The following AMD1 variants were observed in gnomAD, a reference collection of about 807,000 sequenced individuals.
The protein encoded by AMD1 is S-adenosylmethionine decarboxylase proenzyme.
AMD1 carries 11 observed loss-of-function variants against 40.2 expected under a neutral mutation model. That is an observed-to-expected ratio of 0.27 (90% CI 0.17 to 0.45). The LOEUF is 0.45. Among genes scored for constraint, AMD1 ranks in the 20% least tolerant of loss-of-function variants. The pLI is 1.00. For missense variants in AMD1, 257 were observed against 410.2 expected, an observed-to-expected ratio of 0.63 and a Z score of 3.23; for synonymous variants, 121 against 130.8, an observed-to-expected ratio of 0.93 and a Z score of 0.51.
In AMD1 at chr6:110,875,008, C is replaced by T. The variant is rs1360915913; in HGVS notation, c.-98C>T. On this transcript the variant is annotated 5_prime_UTR_variant, in exon 1 of 9. Coordinates refer to ENST00000368885, the MANE Select transcript of AMD1 (RefSeq NM_001634.6). ...AAAAGGAACCTGAACTTTAGTAACA[C>T]AGCTGGAACAATCCGCAGCGGCGGC... 2 of 900,858 alleles carry T rather than the reference C, an allele frequency of 2.2e-6. No homozygotes were observed. The highest frequency in any genetic ancestry group is 3.5e-6 in the Non-Finnish European group (2 of 568,886). The allele number at this position is 900,858 out of a possible 1,614,324, so 55.8% of individuals were successfully genotyped here. A position where few individuals can be genotyped will look rare whatever the true frequency, so the allele number is the denominator to read the frequency against.
At chr6:110,873,492 T>A (rs1424938958), upstream of AMD1, among the ~76,000 whole-genome samples, 5 of 152,208 alleles carry the variant, frequency 3.3e-5, no homozygotes, top group Non-Finnish European at 7.3e-5. Context: ...GTATCTAGAG[T>A]GCAAACCCAA....
At chr6:110,885,434 T>C (rs948778407) in intron 1 of AMD1, among the ~76,000 whole-genome samples, 1 of 152,022 alleles carries the variant, frequency 6.6e-6, no homozygotes, top group Non-Finnish European at 1.5e-5. Context: ...GTTTTTGTTT[T>C]GTTTGTTTGT....
the AMD1 span, among the ~76,000 whole-genome samples, chr6:110,861,948 T>C: frequency 3.3e-5 from 5 of 152,140 alleles, no homozygotes; most frequent in Non-Finnish European, 7.4e-5. Flanking sequence ...AATCTTCCAA[T>C]GTTGCTGTTG....
the AMD1 span, among the ~76,000 whole-genome samples, chr6:110,829,965 G>T: frequency 6.6e-6 from 1 of 152,048 alleles, no homozygotes; most frequent in Non-Finnish European, 1.5e-5. Flanking sequence ...CACTTTAAGT[G>T]TCCTATTTTT....
At position 110,875,098 on chromosome 6, in the gene AMD1, T is replaced by C; in HGVS notation, c.-8T>C. ...TGTGGTTGTTGGTTGTTCGCTAGTC[T>C]CACGGTGATGGAAGCTGCACATTTT... On this transcript the variant is annotated 5_prime_UTR_variant, in exon 1 of 9. Transcript: ENST00000368885. 6.2e-7 allele frequency: 1 copy of C among 1,610,750 alleles called. No homozygotes were observed. The highest frequency in any genetic ancestry group is 8.5e-7 in the Non-Finnish European group (1 of 1,178,040).
At chr6:110,893,333 G>C in intron 8 of AMD1, 143 bp from the exon 9 acceptor site, 1 of 1,161,620 alleles carries the variant, frequency 8.6e-7, no homozygotes, top group Non-Finnish European at 1.2e-6. Context: ...AAGATGCCCT[G>C]GCCCCTCCAG....
At chr6:110,842,961 C>T in the AMD1 span, among the ~76,000 whole-genome samples, 8 of 151,986 alleles carry the variant, frequency 5.3e-5, no homozygotes, top group African/African-American at 1.4e-4. Flanking sequence ...CATGAAACCC[C>T]GTCTCTACTA....
At chr6:110,860,870 C>CACAGAG in the AMD1 span, among the ~76,000 whole-genome samples, 48 of 142,674 alleles carry the variant, frequency 3.4e-4, no homozygotes, top group East Asian at 5.7e-3. Context: ...CACACACACA[C>CACAGAG]AGAGAGAGAG....
chr6:110,849,517 T>C, the AMD1 span, among the ~76,000 whole-genome samples: 2 of 152,220 alleles, frequency 1.3e-5, no homozygotes. Flanking sequence ...CTTTAGAGGA[T>C]CTAAAGTCAC....
At chr6:110,883,476 A>G (rs911164413) in intron 1 of AMD1, among the ~76,000 whole-genome samples, 1 of 152,260 alleles carries the variant, frequency 6.6e-6, no homozygotes, top group African/African-American at 2.4e-5. Flanking sequence ...TCAGAGTGGA[A>G]GAAATCTCTT....
At chr6:110,882,345 G>C (rs1785452824) in intron 1 of AMD1, among the ~76,000 whole-genome samples, 1 of 152,084 alleles carries the variant, frequency 6.6e-6, no homozygotes, top group African/African-American at 2.4e-5. Context: ...AAAGGACTAG[G>C]GAGTAAATTT....
chr6:110,873,060 G>A (rs1018942966), upstream of AMD1, among the ~76,000 whole-genome samples: 2 of 152,132 alleles, frequency 1.3e-5, no homozygotes, highest in Non-Finnish European at 2.9e-5. Flanking sequence ...CCAATCCGCA[G>A]TTTGAGTTGG....
intron 1 of AMD1, among the ~76,000 whole-genome samples, chr6:110,886,782 T>C (rs1414608912): frequency 6.6e-6 from 1 of 152,210 alleles, no homozygotes; most frequent in African/African-American, 2.4e-5. Flanking sequence ...CAAAAAATAA[T>C]ATCTGTCATG....
chr6:110,871,990 C>T (rs937931016), upstream of AMD1, among the ~76,000 whole-genome samples: 1 of 152,110 alleles, frequency 6.6e-6, no homozygotes, highest in African/African-American at 2.4e-5. Flanking sequence ...AGAGATGTCA[C>T]GAAAGCCTGG....
chr6:110,819,129 G>C, the AMD1 span, among the ~76,000 whole-genome samples: 1 of 152,172 alleles, frequency 6.6e-6, no homozygotes, highest in Non-Finnish European at 1.5e-5. Context: ...AGGCCGAGGT[G>C]GGCGGATCAC....
At chr6:110,849,863 T>C in the AMD1 span, among the ~76,000 whole-genome samples, 1 of 151,862 alleles carries the variant, frequency 6.6e-6, no homozygotes, top group Non-Finnish European at 1.5e-5. Flanking sequence ...CTACAAAAAA[T>C]TTAAAATATT....
chr6:110,833,346 A>C, the AMD1 span, among the ~76,000 whole-genome samples: 1 of 152,214 alleles, frequency 6.6e-6, no homozygotes, highest in Non-Finnish European at 1.5e-5. Flanking sequence ...ATATAGCACT[A>C]GTTTTGATGA....
chr6:110,849,705 TAGA>T, the AMD1 span, among the ~76,000 whole-genome samples: 1 of 152,078 alleles, frequency 6.6e-6, no homozygotes, highest in Non-Finnish European at 1.5e-5. Flanking sequence ...CACTGGAGAA[TAGA>T]AGAATATTTC....
At chr6:110,826,546 C>A in the AMD1 span, among the ~76,000 whole-genome samples, 1 of 152,104 alleles carries the variant, frequency 6.6e-6, no homozygotes, top group African/African-American at 2.4e-5. Context: ...AGGGGAGAAT[C>A]CTTCTGTGCA....
Sources: allele counts gnomAD v4.1 joint callset (sites outside exome capture counted in the v4.1 genomes callset), GRCh38; gene constraint gnomAD v4.1.1; transcripts MANE v1.5; gene names NCBI Gene and HGNC (gene_info 2026-07-23, HGNC 2026-07-21).